The following SH3TC2 variants were observed in gnomAD, a reference collection of about 807,000 sequenced individuals.
SH3TC2 encodes the protein SH3 domain and tetratricopeptide repeats 2.
SH3TC2 carries 87 observed loss-of-function variants against 124.5 expected under a neutral mutation model. The observed-to-expected ratio is 0.70, with a 90% CI of 0.59 to 0.84. SH3TC2 has a LOEUF of 0.84. Among genes scored for constraint, SH3TC2 ranks in the 40% least tolerant of loss-of-function variants. The pLI, the probability that SH3TC2 is intolerant of heterozygous loss-of-function variation, is 0.00. For missense variants in SH3TC2, 1,536 were observed against 1,566.4 expected (o/e 0.98, Z 0.33); for synonymous variants, 634 against 628.5 (o/e 1.01, Z -0.13).
intron 2 of SH3TC2, 21 bp from the exon 3 acceptor site, chr5:149,048,010 A>G: frequency 6.2e-7 from 1 of 1,613,732 alleles, no homozygotes. Context: ...ACAGAGAGAG[A>G]AGGATCAGGC....
intron 12 of SH3TC2, among the ~76,000 whole-genome samples, chr5:149,023,577 G>A (rs1754012514): frequency 1.0e-5 from 1 of 100,448 alleles, no homozygotes; most frequent in South Asian, 3.3e-4. Flanking sequence ...CAATAATAGT[G>A]TAATCCTTTT....
At chr5:149,023,851 G>T (rs1754019825) in intron 12 of SH3TC2, among the ~76,000 whole-genome samples, 1 of 151,976 alleles carries the variant, frequency 6.6e-6, no homozygotes, top group African/African-American at 2.4e-5. Flanking sequence ...TGGTTAAAAA[G>T]GTGTAATGCT....
At chr5:149,019,753 G>A (rs1291508353) in intron 12 of SH3TC2, among the ~76,000 whole-genome samples, 2 of 152,132 alleles carry the variant, frequency 1.3e-5, no homozygotes, top group Non-Finnish European at 2.9e-5. Flanking sequence ...GAGCTTCATT[G>A]CTTTTCAACT....
intron 9 of SH3TC2, 142 bp downstream of exon 9, chr5:149,031,412 A>C (rs760251450): frequency 1.2e-4 from 130 of 1,054,234 alleles, no homozygotes; most frequent in Middle Eastern, 1.2e-3. Context: ...AATATGATTC[A>C]GGTCGTCAAC....
At position 148,992,178 on chromosome 5, in the gene SH3TC2, T is replaced by C. The variant is rs1753429385; in HGVS notation, c.*12533A>G. 6.6e-6 allele frequency among the ~76,000 whole-genome samples: 1 copy of C among 152,244 alleles called. No homozygotes were observed. Among genetic ancestry groups the C allele is most frequent in the South Asian group, 2.1e-4 (1 of 4,834 alleles). Reference sequence around the variant, plus strand: ...CTATGAAGTTGATATCATTAATACTTCCATATTACAGATGCAGAAATGGAG... The same window carrying C: ...CTATGAAGTTGATATCATTAATACTCCCATATTACAGATGCAGAAATGGAG... On this transcript the variant is annotated 3_prime_UTR_variant, in exon 17 of 17. Coordinates refer to ENST00000515425, the MANE Select transcript of SH3TC2 (RefSeq NM_024577.4).
Position 149,027,346 on chromosome 5 carries a change from A to G in SH3TC2, c.2386T>C (p.Phe796Leu), listed in dbSNP as rs1420800655. ...LGQLLGEQES[F>L]ESSLCLAWAY... ...CATGCCAGGCAGAGAGAAGACTCAA[A>G]GGATTCCTGCTCACCCAGCAGCTGC... Residue 796 changes from phenylalanine (F) to leucine (L), a missense_variant, in exon 11 of 17, where the codon TTT becomes CTT. Phe to Leu is a conservative substitution (Grantham distance 22, BLOSUM62 0). This residue lies in a region of SH3TC2 where 1,102 missense variants were observed against 1,098.6 expected (regional missense o/e 1.00). Coordinates refer to ENST00000515425, the MANE Select transcript of SH3TC2 (RefSeq NM_024577.4). The G allele has an allele frequency of 1.9e-6, 3 of 1,613,932 alleles. No individual in the cohort carries two copies. The Admixed American group carries it at 5.0e-5, about 27-fold the overall frequency.
In SH3TC2 at chr5:148,993,037, T is replaced by C. The variant is rs1753446851; in HGVS notation, c.*11674A>G. 6.6e-6 allele frequency among the ~76,000 whole-genome samples: 1 copy of C among 152,192 alleles called. No homozygotes were observed. Among genetic ancestry groups the C allele is most frequent in the Admixed American group, 6.5e-5 (1 of 15,270 alleles). On this transcript the variant is annotated 3_prime_UTR_variant, in exon 17 of 17. Transcript: ENST00000515425. The stretch of plus-strand genomic sequence containing the variant: ...TGAAAACTTAGCCCACAGCGTTTCA[T>C]TTAGATCTGGTCTGGGCTGCCTTTA...
chr5:149,013,189 T>C (rs932635234), intron 12 of SH3TC2, among the ~76,000 whole-genome samples: 1 of 152,132 alleles, frequency 6.6e-6, no homozygotes, highest in African/African-American at 2.4e-5. Context: ...TCATCTTGAA[T>C]TGTAGCTCCC....
chr5:148,993,371 T>A lies in SH3TC2; in HGVS notation c.*11340A>T, dbSNP rs140061712. On this transcript the variant is annotated 3_prime_UTR_variant, in exon 17 of 17. Coordinates refer to ENST00000515425, the MANE Select transcript of SH3TC2 (RefSeq NM_024577.4). ...TAAGCCATCATTGTAAAATTCCAAATGCAAAAGAATTCATCTCCATAAAAT... is the reference window on the plus strand; with the variant it reads ...TAAGCCATCATTGTAAAATTCCAAAAGCAAAAGAATTCATCTCCATAAAAT... Among the ~76,000 whole-genome samples, 2 of 152,224 alleles carry A rather than the reference T, an allele frequency of 1.3e-5. No individual in the cohort carries two copies. The highest frequency in any genetic ancestry group is 3.9e-4 in the East Asian group (2 of 5,174).
In SH3TC2 at chr5:149,012,664, T is replaced by C; in HGVS notation, c.3124A>G (p.Lys1042Glu). 6.2e-7 allele frequency: 1 copy of C among 1,614,180 alleles called. No homozygotes were observed. Among genetic ancestry groups the C allele is most frequent in the Non-Finnish European group, 8.5e-7 (1 of 1,180,030 alleles). The part of the protein sequence containing the change: ...RIFIDLGETD[K>E]AAEAWLGAGR... ...GCCCCAAGCCAGGCCTCAGCAGCCT[T>C]GTCTGTCTCCCCCAGGTCAATGAAG... The change falls in exon 13 of 17, where the codon AAG becomes GAG. Residue 1042 changes from lysine to glutamate, a missense_variant. This residue lies in a region of SH3TC2 where 426 missense variants were observed against 443.5 expected (regional missense o/e 0.96). Coordinates refer to ENST00000515425, the MANE Select transcript of SH3TC2 (RefSeq NM_024577.4).
chr5:149,004,516 T>C lies in SH3TC2; in HGVS notation c.*195A>G, dbSNP rs144350348. On this transcript the variant is annotated 3_prime_UTR_variant, in exon 17 of 17. Transcript: ENST00000515425. ...CAGATGCAAAGCCTGGAACCAGGAA[T>C]TCTCATCGCTGCACCATCAAATCTT... is the stretch of plus-strand genomic sequence containing the variant. 7.0e-4 allele frequency: 435 copies of C among 623,788 alleles called. 3 individuals are homozygous for C. The African/African-American group carries it at 7.5e-3, about 11-fold the overall frequency. 38.6% of individuals were successfully genotyped at this position (623,788 alleles called of 1,614,324 possible). A position where few individuals can be genotyped will look rare whatever the true frequency, so the allele number is the denominator to read the frequency against.
rs567750908 is a variant in SH3TC2, at chr5:148,995,460, A to G, written c.*9251T>C. Among the ~76,000 whole-genome samples the G allele has an allele frequency of 6.6e-6, 1 of 152,338 alleles. No homozygotes were observed. The highest frequency in any genetic ancestry group is 1.5e-5 in the Non-Finnish European group (1 of 68,020). On this transcript the variant is annotated 3_prime_UTR_variant, in exon 17 of 17. Transcript: ENST00000515425. ...CCCTGGTCAAACTACTATCTGTTTG[A>G]AAATTAAGAAAAGACCTACCACAGC...
At chr5:149,005,634 G>A (rs951415231) in intron 16 of SH3TC2, among the ~76,000 whole-genome samples, 4 of 152,118 alleles carry the variant, frequency 2.6e-5, no homozygotes, top group Non-Finnish European at 5.9e-5. Flanking sequence ...CACTACCCCC[G>A]GCCCTCCCTA....
At position 149,027,728 on chromosome 5, in the gene SH3TC2, G is replaced by C. The variant is rs150311631; in HGVS notation, c.2004C>G (p.Ala668=). ...TCAAAACACTGGCCACAGCCTCAGA[G>C]GCAGGAGGGTGTCCAGAGAGGAGCT... ...RLQLLSGHPP[A]SEAVASVLSF... The change falls in exon 11 of 17, where the codon GCC becomes GCG. Residue 668 remains alanine (A), a synonymous_variant. Transcript: ENST00000515425. 3 of 1,613,926 alleles carry C rather than the reference G, an allele frequency of 1.9e-6. No individual in the cohort carries two copies. In the African/African-American group the frequency reaches 4.0e-5, roughly 22 times the overall value.
chr5:149,038,404 T>C lies in SH3TC2; in HGVS notation c.892A>G (p.Ile298Val), dbSNP rs746615255. ...TGAAGCCCAGGTATGACAAAGCCGA[T>C]GATCTCAATGCTTTCTCCCTGGTAG... ...NFYQGESIEI[I>V]GFVIPGLQWF... Residue 298 changes from isoleucine to valine, a missense_variant, in exon 8 of 17, where the codon ATC becomes GTC. Around this residue, in one of 3 missense-constraint regions of SH3TC2, gnomAD observed 1,102 missense variants for 1,098.6 expected, o/e 1.00. Coordinates refer to ENST00000515425, the MANE Select transcript of SH3TC2 (RefSeq NM_024577.4). 3.1e-6 allele frequency: 5 copies of C among 1,614,142 alleles called. No homozygotes were observed. The highest frequency in any genetic ancestry group is 3.4e-6 in the Non-Finnish European group (4 of 1,179,974).
Position 149,004,836 on chromosome 5 carries a change from C to T in SH3TC2, c.3742G>A (p.Glu1248Lys), listed in dbSNP as rs768014049. Reference protein sequence around the residue: ...LAAAVLLGDEELQDTIRSRLD... With the variant: ...LAAAVLLGDEKLQDTIRSRLD... ...CTGCTCCTAATGGTGTCCTGAAGCT[C>T]CTCATCACCCAGCAGGACCGCTGCT... is the stretch of plus-strand genomic sequence containing the variant. Residue 1248 changes from glutamate to lysine, a missense_variant, in exon 17 of 17, where the codon GAG becomes AAG. Transcript: ENST00000515425. 8.1e-6 allele frequency: 13 copies of T among 1,614,046 alleles called. No homozygotes were observed. The East Asian group carries it at 8.9e-5, about 11-fold the overall frequency.
At chr5:149,006,786 T>C (rs1332226124) in intron 16 of SH3TC2, 95 bp downstream of exon 16, 1 of 1,313,704 alleles carries the variant, frequency 7.6e-7, no homozygotes, top group African/African-American at 1.5e-5. Flanking sequence ...TCTGGTTTTC[T>C]CAGCTCCACC....
chr5:149,021,635 G>C (rs1213549031), intron 12 of SH3TC2, among the ~76,000 whole-genome samples: 1 of 151,830 alleles, frequency 6.6e-6, no homozygotes, highest in African/African-American at 2.4e-5. Context: ...ATGAACAATT[G>C]TATACCAACA....
chr5:149,056,115 T>A (rs1754643161), intron 1 of SH3TC2, among the ~76,000 whole-genome samples: 1 of 152,086 alleles, frequency 6.6e-6, no homozygotes, highest in African/African-American at 2.4e-5. Context: ...CTTTTTTTTT[T>A]AACTTTTATT....
Sources: allele counts gnomAD v4.1 joint callset (sites outside exome capture counted in the v4.1 genomes callset), GRCh38; gene constraint gnomAD v4.1.1; regional missense constraint gnomAD v4.1.1; transcripts MANE v1.5; gene names NCBI Gene and HGNC (gene_info 2026-07-23, HGNC 2026-07-21).